Variants in ANKS1B observed in about 807,000 individuals in gnomAD.
ANKS1B encodes the protein ankyrin repeat and sterile alpha motif domain-containing protein 1B.
In ANKS1B, 36 loss-of-function variants were observed where a neutral mutation model predicts 148.3. The observed-to-expected ratio is 0.24, with a 90% CI of 0.19 to 0.32. ANKS1B has a LOEUF of 0.32. Ranked by LOEUF, ANKS1B falls within the 10% of genes least tolerant of loss-of-function variation. ANKS1B has a pLI of 1.00. For synonymous variants in ANKS1B, 542 were observed against 560.8 expected, an observed-to-expected ratio of 0.97 and a Z score of 0.47; for missense variants, 1,157 against 1,542.6, an observed-to-expected ratio of 0.75 and a Z score of 4.19.
At chr12:99,183,566 C>A (rs931603878) in intron 14 of ANKS1B, among the ~76,000 whole-genome samples, 1 of 152,102 alleles carries the variant, frequency 6.6e-6, no homozygotes, top group East Asian at 1.9e-4. Context: ...TCTCTTGAAA[C>A]CAGAAGGCGG....
chr12:98,737,337 C>A (rs2097778472), intron 9 of ANKS1B, among the ~76,000 whole-genome samples: 1 of 152,180 alleles, frequency 6.6e-6, no homozygotes. Flanking sequence ...GTCCTCTCAC[C>A]GATTTTCTTT....
chr12:98,849,389 G>A (rs1257464521), intron 17 of ANKS1B, among the ~76,000 whole-genome samples: 1 of 152,182 alleles, frequency 6.6e-6, no homozygotes, highest in Non-Finnish European at 1.5e-5. Context: ...CTCCTTAGCT[G>A]TAGTGTCTCT....
chr12:99,033,932 C>T (rs1045375520), intron 17 of ANKS1B, among the ~76,000 whole-genome samples: 1 of 152,154 alleles, frequency 6.6e-6, no homozygotes, highest in Non-Finnish European at 1.5e-5. Context: ...AGTAAAGTTG[C>T]CTGTGCCCTG....
chr12:99,360,708 T>C (rs1050380731), intron 12 of ANKS1B, among the ~76,000 whole-genome samples: 3 of 152,126 alleles, frequency 2.0e-5, no homozygotes, highest in Admixed American at 2.0e-4. Context: ...TGAAAAGATG[T>C]GTGGAATAGA....
chr12:98,744,945 G>A lies in ANKS1B; in HGVS notation c.*794C>T. The A allele has an allele frequency of 2.0e-6, 2 of 985,806 alleles. No individual in the cohort carries two copies. The highest frequency in any genetic ancestry group is 1.7e-5 in the African/African-American group (1 of 57,338). The allele number at this position is 985,806 out of a possible 1,614,324, so 61.1% of individuals were successfully genotyped here. A position where few individuals can be genotyped will look rare whatever the true frequency, so the allele number is the denominator to read the frequency against. ...CACTGAGCCAGTCCTCTTGGTAGTA[G>A]CAGTAGAAATTTAATTATTTGAAAT... On this transcript the variant is annotated 3_prime_UTR_variant, in exon 27 of 27. Coordinates refer to ENST00000683438, the MANE Select transcript of ANKS1B (RefSeq NM_001352186.2).
intron 9 of ANKS1B, among the ~76,000 whole-genome samples, chr12:99,566,345 G>A (rs1451041553): frequency 6.6e-6 from 1 of 152,122 alleles, no homozygotes; most frequent in Non-Finnish European, 1.5e-5. Context: ...TCCATAAGAT[G>A]GCAGAATGCA....
intron 15 of ANKS1B, among the ~76,000 whole-genome samples, chr12:99,125,852 C>G (rs1419373174): frequency 6.6e-6 from 1 of 151,748 alleles, no homozygotes; most frequent in Non-Finnish European, 1.5e-5. Context: ...ATACCTGATA[C>G]TTTCAAAAAT....
intron 9 of ANKS1B, among the ~76,000 whole-genome samples, chr12:99,542,485 C>T (rs2097135497): frequency 6.6e-6 from 1 of 151,318 alleles, no homozygotes. Context: ...ATAATCTCCA[C>T]CAAATTGATC....
chr12:99,188,249 G>C (rs1012793574), intron 14 of ANKS1B, among the ~76,000 whole-genome samples: 18 of 152,166 alleles, frequency 1.2e-4, no homozygotes, highest in African/African-American at 3.9e-4. Flanking sequence ...AATAGTGGGA[G>C]ACTTTAACAC....
intron 10 of ANKS1B, among the ~76,000 whole-genome samples, chr12:99,462,262 C>T (rs2095990826): frequency 1.3e-5 from 2 of 152,180 alleles, no homozygotes; most frequent in Admixed American, 1.3e-4. Context: ...AATGGACTGA[C>T]CCAAGGCCAT....
At chr12:99,637,793 A>ATATATATATAG (rs1415058475) in intron 9 of ANKS1B, among the ~76,000 whole-genome samples, 2 of 117,584 alleles carry the variant, frequency 1.7e-5, no homozygotes, top group Non-Finnish European at 3.8e-5. Context: ...TCCCCTTTCT[A>ATATATATATAG]TATATATATA....
At chr12:99,649,323 A>G in intron 9 of ANKS1B, 1 of 1,614,158 alleles carries the variant, frequency 6.2e-7, no homozygotes, top group Non-Finnish European at 8.5e-7. Flanking sequence ...AGAAGGAGCA[A>G]TTCAGAATCA....
intron 16 of ANKS1B, among the ~76,000 whole-genome samples, chr12:99,084,413 T>G (rs538127666): frequency 6.6e-6 from 1 of 152,206 alleles, no homozygotes; most frequent in African/African-American, 2.4e-5. Flanking sequence ...CTGTATCACA[T>G]TTTTCTAGGT....
chr12:99,316,942 CT>C, intron 12 of ANKS1B, among the ~76,000 whole-genome samples: 1 of 152,116 alleles, frequency 6.6e-6, no homozygotes. Flanking sequence ...TTCCCCATTT[CT>C]TGTTTTTGTC....
At chr12:99,638,583 A>C (rs1383565010) in intron 9 of ANKS1B, among the ~76,000 whole-genome samples, 1 of 152,130 alleles carries the variant, frequency 6.6e-6, no homozygotes, top group East Asian at 1.9e-4. Context: ...GAGGAAAGAG[A>C]GCATAAAAGT....
At chr12:99,778,276 G>C (rs1277561892) in intron 6 of ANKS1B, among the ~76,000 whole-genome samples, 1 of 152,008 alleles carries the variant, frequency 6.6e-6, no homozygotes, top group South Asian at 2.1e-4. Flanking sequence ...AAGAGGCCAA[G>C]GTGGCTGGAT....
intron 1 of ANKS1B, among the ~76,000 whole-genome samples, chr12:99,934,755 G>A (rs577605313): frequency 6.6e-6 from 1 of 152,060 alleles, no homozygotes; most frequent in Non-Finnish European, 1.5e-5. Flanking sequence ...GGTACTTTAG[G>A]AGATTAATAC....
intron 22 of ANKS1B, among the ~76,000 whole-genome samples, chr12:98,788,651 G>A (rs1480430695): frequency 6.6e-6 from 1 of 152,196 alleles, no homozygotes; most frequent in Non-Finnish European, 1.5e-5. Flanking sequence ...TGGAGCACAA[G>A]TCTGGCACAG....
chr12:99,415,934 T>C (rs1353674596), intron 11 of ANKS1B, among the ~76,000 whole-genome samples: 2 of 152,010 alleles, frequency 1.3e-5, no homozygotes, highest in South Asian at 2.1e-4. Context: ...CCACCCACCT[T>C]GGCCTCCTAA....
Sources: gnomAD v4.1 joint callset for allele counts (sites outside exome capture counted in the v4.1 genomes callset) on GRCh38, gnomAD v4.1.1 for gene constraint, MANE v1.5 for transcripts, NCBI Gene and HGNC (gene_info 2026-07-23, HGNC 2026-07-21) for gene names.